Variants in CDK14 observed in about 807,000 individuals in gnomAD.
CDK14 encodes cyclin-dependent kinase 14.
Under a neutral mutation model 60.7 loss-of-function variants are expected in CDK14, and 34 were observed. That is an observed-to-expected ratio of 0.56 (90% CI 0.43 to 0.75). The LOEUF is 0.75. CDK14 is among the 30% of genes least tolerant of loss of function. The pLI, the probability that CDK14 is intolerant of heterozygous loss-of-function variation, is 0.00. For synonymous variants in CDK14, 197 were observed against 203.7 expected, an observed-to-expected ratio of 0.97 and a Z score of 0.28; for missense variants, 482 against 564.1, an observed-to-expected ratio of 0.85 and a Z score of 1.47.
intron 2 of CDK14, among the ~76,000 whole-genome samples, chr7:90,639,253 G>T (rs1800251129): frequency 1.3e-5 from 2 of 151,948 alleles, no homozygotes; most frequent in South Asian, 4.2e-4. Context: ...CCCCATCTTT[G>T]TGGTTTTATC....
chr7:90,759,448 T>C (rs1455115034), intron 4 of CDK14, among the ~76,000 whole-genome samples: 2 of 152,228 alleles, frequency 1.3e-5, no homozygotes, highest in African/African-American at 4.8e-5. Context: ...TGAAGTGGAA[T>C]TGGCTTTAAG....
chr7:90,656,260 T>G (rs1230992174), intron 2 of CDK14, among the ~76,000 whole-genome samples: 1 of 152,200 alleles, frequency 6.6e-6, no homozygotes, highest in Admixed American at 6.5e-5. Flanking sequence ...ATTCAACATT[T>G]CATCATAAAT....
At chr7:90,704,800 C>G (rs1212046084) in intron 2 of CDK14, among the ~76,000 whole-genome samples, 1 of 151,982 alleles carries the variant, frequency 6.6e-6, no homozygotes, top group Non-Finnish European at 1.5e-5. Context: ...ACAGATTCCT[C>G]CAGAATTTCA....
chr7:91,096,403 G>A (rs757234702), intron 12 of CDK14, among the ~76,000 whole-genome samples: 142 of 152,082 alleles, frequency 9.3e-4, no homozygotes, highest in Non-Finnish European at 1.7e-3. Flanking sequence ...CCATGTGAAC[G>A]AATTACCTTG....
At position 91,132,126 on chromosome 7, in the gene CDK14, T is replaced by C. The variant is rs140802712; in HGVS notation, c.*28+13918T>C. On this transcript the variant is annotated intron_variant, in intron 14 of 14. Coordinates refer to ENST00000380050, the MANE Select transcript of CDK14 (RefSeq NM_001287135.2). Reference sequence around the variant, plus strand: ...GGGACACAAATGCAGTCTTTTAAATTTCAGGATGATGACGGGTACAGCAGA... The same window carrying C: ...GGGACACAAATGCAGTCTTTTAAATCTCAGGATGATGACGGGTACAGCAGA... Among the ~76,000 whole-genome samples the C allele has an allele frequency of 9.9e-5, 15 of 152,182 alleles. No homozygotes were observed. In the East Asian group the frequency reaches 2.9e-3, roughly 29 times the overall value.
intron 10 of CDK14, among the ~76,000 whole-genome samples, chr7:90,989,547 C>T (rs1388207638): frequency 6.6e-6 from 1 of 152,110 alleles, no homozygotes; most frequent in East Asian, 1.9e-4. Flanking sequence ...TAGTAATGAC[C>T]ATGAAAATCA....
intron 2 of CDK14, among the ~76,000 whole-genome samples, chr7:90,607,483 T>G (rs769169297): frequency 2.6e-5 from 4 of 152,198 alleles, no homozygotes; most frequent in Non-Finnish European, 4.4e-5. Flanking sequence ...GTCAAATGTT[T>G]GACCTTGAAC....
At chr7:91,088,036 T>C (rs1405114105) in intron 12 of CDK14, among the ~76,000 whole-genome samples, 1 of 152,230 alleles carries the variant, frequency 6.6e-6, no homozygotes, top group Non-Finnish European at 1.5e-5. Flanking sequence ...TTGGACCTTT[T>C]CTTGTAATAT....
intron 14 of CDK14, among the ~76,000 whole-genome samples, chr7:91,145,786 A>G (rs1280470609): frequency 6.6e-6 from 1 of 152,144 alleles, no homozygotes; most frequent in Non-Finnish European, 1.5e-5. Flanking sequence ...GAATTTCCCA[A>G]ACTCCTTAAG....
chr7:91,202,148 A>G (rs899415080), intron 14 of CDK14, among the ~76,000 whole-genome samples: 5 of 152,182 alleles, frequency 3.3e-5, no homozygotes, highest in African/African-American at 1.2e-4. Flanking sequence ...AGTTGGTTTT[A>G]AGAAAATTGA....
chr7:91,173,429 T>TAAAA (rs34656228), intron 14 of CDK14, among the ~76,000 whole-genome samples: 31 of 146,136 alleles, frequency 2.1e-4, no homozygotes, highest in Non-Finnish European at 3.6e-4. Context: ...CTGCATCTCT[T>TAAAA]AAAAAAAAAA....
At chr7:90,721,135 C>T (rs1011987894) in intron 2 of CDK14, among the ~76,000 whole-genome samples, 1 of 152,114 alleles carries the variant, frequency 6.6e-6, no homozygotes, top group African/African-American at 2.4e-5. Flanking sequence ...GCATTACATC[C>T]ACCCACCTGG....
At chr7:91,046,042 A>G (rs1797222846) in intron 11 of CDK14, 82 bp downstream of exon 11, 1 of 889,296 alleles carries the variant, frequency 1.1e-6, no homozygotes, top group African/African-American at 1.7e-5. Context: ...CAAGCAATAT[A>G]CCACCTTGAA....
At chr7:90,864,866 T>C (rs893520860) in intron 6 of CDK14, among the ~76,000 whole-genome samples, 2 of 152,184 alleles carry the variant, frequency 1.3e-5, no homozygotes, top group African/African-American at 2.4e-5. Context: ...AGACATCCCA[T>C]GTGCTTTTAA....
At chr7:91,201,178 T>C (rs1562992562) in intron 14 of CDK14, among the ~76,000 whole-genome samples, 1 of 152,212 alleles carries the variant, frequency 6.6e-6, no homozygotes, top group African/African-American at 2.4e-5. Context: ...CTAAATTTGA[T>C]CAAATTATAA....
At chr7:90,610,256 C>T (rs907639819) in intron 2 of CDK14, among the ~76,000 whole-genome samples, 1 of 152,152 alleles carries the variant, frequency 6.6e-6, no homozygotes, top group Admixed American at 6.6e-5. Flanking sequence ...CGCTGCCAGC[C>T]CTTGATTTTG....
intron 12 of CDK14, 72 bp downstream of exon 12, chr7:91,079,552 T>C: frequency 1.9e-6 from 2 of 1,063,772 alleles, no homozygotes; most frequent in South Asian, 2.6e-5. Context: ...CTCATACGTT[T>C]TTCATGGCAT....
intron 8 of CDK14, among the ~76,000 whole-genome samples, chr7:90,936,540 T>TA (rs1233405682): frequency 6.6e-6 from 1 of 152,216 alleles, no homozygotes; most frequent in African/African-American, 2.4e-5. Context: ...TCCTTTGAAC[T>TA]CACTGTGGTT....
At chr7:91,006,049 T>C (rs1189562679) in intron 10 of CDK14, among the ~76,000 whole-genome samples, 1 of 152,202 alleles carries the variant, frequency 6.6e-6, no homozygotes, top group Non-Finnish European at 1.5e-5. Flanking sequence ...TGCAACAAGA[T>C]GGTGTCAGCC....
Sources: gnomAD v4.1 joint callset for allele counts (sites outside exome capture counted in the v4.1 genomes callset) on GRCh38, gnomAD v4.1.1 for gene constraint, MANE v1.5 for transcripts, NCBI Gene and HGNC (gene_info 2026-07-23, HGNC 2026-07-21) for gene names.